Variants in LRP1B observed in about 807,000 individuals in gnomAD.
The protein encoded by LRP1B is low-density lipoprotein receptor-related protein 1B.
In LRP1B, 217 loss-of-function variants were observed where a neutral mutation model predicts 556.6. The observed-to-expected ratio is 0.39, with a 90% CI of 0.35 to 0.44. The LOEUF (loss-of-function observed/expected upper bound fraction) is 0.44, where lower values mean the gene tolerates loss of function less well. LRP1B is among the 20% of genes least tolerant of loss of function. The pLI, the probability that LRP1B is intolerant of heterozygous loss-of-function variation, is 1.00. For missense variants in LRP1B, 5,053 were observed against 5,620.8 expected (o/e 0.90, Z 3.23); for synonymous variants, 2,047 against 1,865.8 (o/e 1.10, Z -2.50).
intron 25 of LRP1B, among the ~76,000 whole-genome samples, chr2:140,873,373 A>C (rs1435490790): frequency 1.3e-5 from 2 of 152,126 alleles, no homozygotes; most frequent in Non-Finnish European, 2.9e-5. Context: ...TTGCGGCTTT[A>C]GGCAGTCTAG....
chr2:140,735,622 C>T (rs973352098), intron 35 of LRP1B, among the ~76,000 whole-genome samples: 3 of 152,114 alleles, frequency 2.0e-5, no homozygotes, highest in African/African-American at 7.2e-5. Context: ...TCCTGAAATA[C>T]CCCTTGGACT....
chr2:141,643,845 C>G (rs1474594235), intron 2 of LRP1B, among the ~76,000 whole-genome samples: 1 of 152,068 alleles, frequency 6.6e-6, no homozygotes, highest in Non-Finnish European at 1.5e-5. Context: ...TTCTCTAATT[C>G]TTAGCAGCAT....
intron 5 of LRP1B, among the ~76,000 whole-genome samples, chr2:141,238,300 A>G (rs1479478798): frequency 4.6e-5 from 7 of 152,092 alleles, no homozygotes; most frequent in Admixed American, 4.6e-4. Context: ...ATCTTTCTCT[A>G]TGTTATAGAT....
At position 140,895,675 on chromosome 2, in the gene LRP1B, G is replaced by A. The variant is rs549585771; in HGVS notation, c.3766+7245C>T. On this transcript the variant is annotated intron_variant, in intron 23 of 90. Coordinates refer to ENST00000389484, the MANE Select transcript of LRP1B (RefSeq NM_018557.3). ...GTCAGGAAGAATCAGGTCACACAAC[G>A]AACTGAAGATGGTAAATGCAGGGGA... Among the ~76,000 whole-genome samples, 11 of 152,200 alleles carry A rather than the reference G, an allele frequency of 7.2e-5. No individual in the cohort carries two copies. In the South Asian group the frequency reaches 8.3e-4, roughly 11 times the overall value.
chr2:140,718,855 A>AT (rs11395192), intron 35 of LRP1B, among the ~76,000 whole-genome samples: 33,684 of 150,924 alleles, frequency 0.22, 3,845 homozygotes, highest in South Asian at 0.29. Context: ...GTCTTCACAT[A>AT]TTTTTTTTTC....
intron 3 of LRP1B, among the ~76,000 whole-genome samples, chr2:141,356,530 T>C (rs1688631470): frequency 6.9e-6 from 1 of 144,712 alleles, no homozygotes; most frequent in South Asian, 2.1e-4. Flanking sequence ...CGTTCTAGGC[T>C]ATATGATCTC....
chr2:141,526,666 A>G (rs1684702173), intron 2 of LRP1B, among the ~76,000 whole-genome samples: 1 of 151,916 alleles, frequency 6.6e-6, no homozygotes, highest in Admixed American at 6.6e-5. Flanking sequence ...TGTAGACCCC[A>G]CCAGCATAAA....
intron 48 of LRP1B, 57 bp downstream of exon 48, chr2:140,526,180 A>G: frequency 2.6e-6 from 4 of 1,513,726 alleles, no homozygotes; most frequent in Non-Finnish European, 3.7e-6. Context: ...CACAGTGTTC[A>G]ATGCAATGCC....
At chr2:140,556,548 T>A (rs1265481345) in intron 43 of LRP1B, among the ~76,000 whole-genome samples, 1 of 152,120 alleles carries the variant, frequency 6.6e-6, no homozygotes, top group Admixed American at 6.6e-5. Context: ...TTCTGAAGAC[T>A]CCAATGTCAC....
At chr2:140,329,424 G>A (rs1181175736) in intron 79 of LRP1B, among the ~76,000 whole-genome samples, 2 of 151,968 alleles carry the variant, frequency 1.3e-5, no homozygotes, top group Non-Finnish European at 2.9e-5. Context: ...GAAATAAAGT[G>A]TATTCAAATA....
chr2:140,599,549 A>T (rs1398762558), intron 42 of LRP1B, among the ~76,000 whole-genome samples: 1 of 152,082 alleles, frequency 6.6e-6, no homozygotes, highest in African/African-American at 2.4e-5. Flanking sequence ...ATTTTATGAC[A>T]CTTATTACCA....
At chr2:141,123,264 A>C (rs1350999411) in intron 7 of LRP1B, among the ~76,000 whole-genome samples, 16 of 151,280 alleles carry the variant, frequency 1.1e-4, no homozygotes, top group Non-Finnish European at 1.5e-4. Context: ...ATAAATAAAT[A>C]AAAAAAAGAA....
At chr2:140,975,421 A>G (rs1243243807) in intron 18 of LRP1B, among the ~76,000 whole-genome samples, 4 of 152,146 alleles carry the variant, frequency 2.6e-5, no homozygotes, top group African/African-American at 9.7e-5. Context: ...AGTTTCCTCT[A>G]GACCTGCTTG....
intron 20 of LRP1B, among the ~76,000 whole-genome samples, chr2:140,933,241 A>G (rs1695106751): frequency 6.6e-6 from 1 of 152,122 alleles, no homozygotes; most frequent in Non-Finnish European, 1.5e-5. Flanking sequence ...TATAAATAAG[A>G]AAACAAATGC....
chr2:141,479,233 C>A (rs1682824219), intron 3 of LRP1B, among the ~76,000 whole-genome samples: 1 of 152,158 alleles, frequency 6.6e-6, no homozygotes, highest in Non-Finnish European at 1.5e-5. Flanking sequence ...TTGAATTCAG[C>A]TTACTTCACC....
In LRP1B at chr2:141,362,188, C is replaced by T. The variant is rs182822099; in HGVS notation, c.344-107547G>A. On this transcript the variant is annotated intron_variant, in intron 3 of 90. Transcript: ENST00000389484. ...TGAGCATTTTACAGACACTGTGCTA[C>T]CACTTCTCTAAGAAAATGGTTTATA... is the stretch of plus-strand genomic sequence containing the variant. Among the ~76,000 whole-genome samples the T allele has an allele frequency of 2.6e-3, 393 of 152,288 alleles. 1 individual carries two copies. The highest frequency in any genetic ancestry group is 9.0e-3 in the African/African-American group (373 of 41,556).
chr2:140,534,422 G>A (rs780469500), intron 46 of LRP1B, among the ~76,000 whole-genome samples: 2 of 152,016 alleles, frequency 1.3e-5, no homozygotes, highest in Non-Finnish European at 2.9e-5. Flanking sequence ...CTGTCAAGTA[G>A]CACAGAAATA....
chr2:141,942,785 C>T (rs1021258056), intron 1 of LRP1B, among the ~76,000 whole-genome samples: 5 of 152,136 alleles, frequency 3.3e-5, no homozygotes, highest in African/African-American at 1.2e-4. Flanking sequence ...ACAACAGAGA[C>T]TAGGAGCTGT....
At chr2:142,019,040 A>C (rs2105172302) in intron 1 of LRP1B, among the ~76,000 whole-genome samples, 1 of 152,340 alleles carries the variant, frequency 6.6e-6, no homozygotes, top group African/African-American at 2.4e-5. Flanking sequence ...TTTATTAAAA[A>C]GGCTCTAAAG....
Sources: gnomAD v4.1 joint callset for allele counts (sites outside exome capture counted in the v4.1 genomes callset) on GRCh38, gnomAD v4.1.1 for gene constraint, MANE v1.5 for transcripts, NCBI Gene and HGNC (gene_info 2026-07-23, HGNC 2026-07-21) for gene names.